AFF4: variants seen among roughly 807,000 people sequenced by gnomAD.
AFF4 encodes ALF transcription elongation factor 4.
A neutral mutation model predicts 124.8 loss-of-function variants in AFF4; 13 were observed. The ratio of observed to expected loss-of-function variants is 0.10; its 90% CI spans 0.07 to 0.17. AFF4 has a LOEUF of 0.17. Among genes scored for constraint, AFF4 ranks in the 10% least tolerant of loss-of-function variants. The pLI is 1.00. For synonymous variants in AFF4, 477 were observed against 496.1 expected, an observed-to-expected ratio of 0.96 and a Z score of 0.51; for missense variants, 1,092 against 1,403.8, an observed-to-expected ratio of 0.78 and a Z score of 3.55.
chr5:132,899,922 G>A (rs918163153), intron 7 of AFF4, among the ~76,000 whole-genome samples: 2 of 152,086 alleles, frequency 1.3e-5, no homozygotes, highest in Non-Finnish European at 2.9e-5. Context: ...TCATAATTCA[G>A]TTCTGTAATC....
chr5:132,938,665 C>T (rs973159570), intron 1 of AFF4, among the ~76,000 whole-genome samples: 2 of 151,936 alleles, frequency 1.3e-5, no homozygotes, highest in Non-Finnish European at 2.9e-5. Flanking sequence ...AGCAATTTAA[C>T]GGCCTGAGCG....
intron 5 of AFF4, among the ~76,000 whole-genome samples, chr5:132,912,496 G>C (rs569391455): frequency 6.6e-6 from 1 of 151,976 alleles, no homozygotes; most frequent in Non-Finnish European, 1.5e-5. Context: ...GAGCAGCTGG[G>C]ACCACAGGTA....
At chr5:132,908,489 GA>G (rs1760718650) in intron 5 of AFF4, among the ~76,000 whole-genome samples, 1 of 151,736 alleles carries the variant, frequency 6.6e-6, no homozygotes. Context: ...TATTGAAGTT[GA>G]ATTAGATTTC....
At chr5:132,935,533 G>C (rs1274553730) in intron 2 of AFF4, among the ~76,000 whole-genome samples, 1 of 152,152 alleles carries the variant, frequency 6.6e-6, no homozygotes, top group Non-Finnish European at 1.5e-5. Flanking sequence ...CACTTTGGGA[G>C]GCCAAGGTGG....
At chr5:132,917,541 T>C (rs1442818619) in intron 5 of AFF4, among the ~76,000 whole-genome samples, 1 of 152,042 alleles carries the variant, frequency 6.6e-6, no homozygotes, top group Non-Finnish European at 1.5e-5. Context: ...GAATATAAAA[T>C]AAGGCATCCA....
At chr5:132,932,415 C>T (rs2150096885) in intron 3 of AFF4, among the ~76,000 whole-genome samples, 193 bp from the exon 4 acceptor site, 1 of 152,260 alleles carries the variant, frequency 6.6e-6, no homozygotes, top group East Asian at 1.9e-4. Flanking sequence ...CCAAACTATA[C>T]AAAGCTGGGG....
intron 2 of AFF4, among the ~76,000 whole-genome samples, chr5:132,936,530 A>G (rs1411415703): frequency 1.3e-5 from 2 of 152,216 alleles, no homozygotes; most frequent in Non-Finnish European, 2.9e-5. Context: ...AGCAAATGGC[A>G]GTGAGAAGAA....
intron 1 of AFF4, among the ~76,000 whole-genome samples, chr5:132,949,605 A>G (rs1474141200): frequency 1.3e-5 from 2 of 151,504 alleles, no homozygotes; most frequent in Admixed American, 1.3e-4. Context: ...AGGCCAGGAG[A>G]CTGAGACCAT....
intron 5 of AFF4, among the ~76,000 whole-genome samples, chr5:132,921,743 G>A (rs1761052728): frequency 6.6e-6 from 1 of 152,072 alleles, no homozygotes; most frequent in South Asian, 2.1e-4. Context: ...TGGGATTACA[G>A]GCGTGAGCCA....
At chr5:132,940,154 C>T (rs35854534) in intron 1 of AFF4, among the ~76,000 whole-genome samples, 17,431 of 151,428 alleles carry the variant, frequency 0.12, 1,235 homozygotes, top group South Asian at 0.2. Context: ...GAGTCAAGAT[C>T]GCACCACTGG....
chr5:132,926,726 T>TG (rs1561498470), intron 5 of AFF4: 2 of 112,146 alleles, frequency 1.8e-5, no homozygotes, highest in Non-Finnish European at 3.7e-5. Context: ...TTTTTTTTTT[T>TG]CCTTCCAATT....
At chr5:132,922,992 T>C (rs1481211289) in intron 5 of AFF4, among the ~76,000 whole-genome samples, 2 of 151,548 alleles carry the variant, frequency 1.3e-5, no homozygotes, top group African/African-American at 4.9e-5. Flanking sequence ...CTGGCCAACA[T>C]GGTGAAACCT....
At chr5:132,904,470 T>G in intron 5 of AFF4, 66 bp from the exon 6 acceptor site, 1 of 1,334,898 alleles carries the variant, frequency 7.5e-7, no homozygotes, top group South Asian at 1.3e-5. Context: ...GAAAAATGCT[T>G]AAATTACATA....
intron 5 of AFF4, among the ~76,000 whole-genome samples, chr5:132,912,883 A>ACACG (rs398038054): frequency 6.6e-5 from 10 of 151,370 alleles, no homozygotes; most frequent in South Asian, 4.2e-4. Flanking sequence ...ACACACACAC[A>ACACG]AAAGGGCTGA....
At chr5:132,885,241 C>T (rs546796244) in intron 18 of AFF4, 122 bp from the exon 19 acceptor site, 2 of 565,698 alleles carry the variant, frequency 3.5e-6, no homozygotes, top group African/African-American at 2.9e-5. Flanking sequence ...ATTTAAGACA[C>T]CAAAATACGT....
intron 5 of AFF4, among the ~76,000 whole-genome samples, chr5:132,919,813 G>A (rs534986419): frequency 3.9e-5 from 6 of 152,158 alleles, no homozygotes; most frequent in Admixed American, 2.6e-4. Flanking sequence ...TCACACCACT[G>A]CACTCCAGCC....
Position 132,963,459 on chromosome 5 carries a change from C to T in AFF4, c.-205G>A. The T allele has an allele frequency of 2.5e-6, 1 of 398,224 alleles. No individual in the cohort carries two copies. The highest frequency in any genetic ancestry group is 4.4e-6 in the Non-Finnish European group (1 of 225,858). The allele number at this position is 398,224 out of a possible 1,614,324, so 24.7% of individuals were successfully genotyped here. A position where few individuals can be genotyped will look rare whatever the true frequency, so the allele number is the denominator to read the frequency against. ...GGCGTCGGCGGCGGCGGCAGCGATG[C>T]GCCTCACACGGAACAGGCGTAGGCC... On this transcript the variant is annotated 5_prime_UTR_variant, in exon 1 of 21. Transcript: ENST00000265343.
chr5:132,899,765 A>C, intron 7 of AFF4, 124 bp from the exon 8 acceptor site: 1 of 717,428 alleles, frequency 1.4e-6, no homozygotes, highest in Non-Finnish European at 2.3e-6. Flanking sequence ...ACCAAAAAAC[A>C]AAACACCAGT....
Position 132,963,398 on chromosome 5 carries a change from G to A in AFF4, c.-144C>T. 2 of 398,180 alleles carry A rather than the reference G, an allele frequency of 5.0e-6. No homozygotes were observed. Among genetic ancestry groups the A allele is most frequent in the Non-Finnish European group, 8.9e-6 (2 of 225,736 alleles). The allele number at this position is 398,180 out of a possible 1,614,324, so 24.7% of individuals were successfully genotyped here. On this transcript the variant is annotated 5_prime_UTR_variant, in exon 1 of 21. Coordinates refer to ENST00000265343, the MANE Select transcript of AFF4 (RefSeq NM_014423.4). Reference sequence around the variant, plus strand: ...TGCCAAGGGCGAGGGGCTCCGGGAGGCGGCGGGGGTTCCGGAGGCCTCGAC... The same window carrying A: ...TGCCAAGGGCGAGGGGCTCCGGGAGACGGCGGGGGTTCCGGAGGCCTCGAC...
Sources: allele counts gnomAD v4.1 joint callset (sites outside exome capture counted in the v4.1 genomes callset), GRCh38; gene constraint gnomAD v4.1.1; transcripts MANE v1.5; gene names NCBI Gene and HGNC (gene_info 2026-07-23, HGNC 2026-07-21).